RELN: variants seen among roughly 807,000 people sequenced by gnomAD.
RELN encodes the protein reelin.
Under a neutral mutation model 427.6 loss-of-function variants are expected in RELN, and 108 were observed. The observed-to-expected ratio is 0.25, with a 90% confidence interval of 0.22 to 0.30. RELN has a LOEUF of 0.30. Among genes scored for constraint, RELN ranks in the 10% least tolerant of loss-of-function variants. The pLI is 1.00. For missense variants in RELN, 3,715 were observed against 4,302.8 expected (o/e 0.86, Z 3.82); for synonymous variants, 1,524 against 1,513.4 (o/e 1.01, Z -0.16).
chr7:103,487,620 A>G (rs1828490782), intron 60 of RELN, among the ~76,000 whole-genome samples: 1 of 152,044 alleles, frequency 6.6e-6, no homozygotes, highest in South Asian at 2.1e-4. Flanking sequence ...GCCGTGTAAA[A>G]CTGTTGTTTA....
intron 1 of RELN, among the ~76,000 whole-genome samples, chr7:103,944,961 A>C (rs1371654917): frequency 6.6e-6 from 1 of 152,130 alleles, no homozygotes; most frequent in Non-Finnish European, 1.5e-5. Flanking sequence ...GAGAAGTAAA[A>C]AATCCCAGTC....
At chr7:103,920,579 G>GTTT (rs1205659662) in intron 1 of RELN, among the ~76,000 whole-genome samples, 2 of 88,858 alleles carry the variant, frequency 2.3e-5, no homozygotes, top group East Asian at 4.4e-4. Context: ...TTTTTTTTTT[G>GTTT]TTTTTTTTTT....
At chr7:103,535,294 G>A (rs1326879746) in intron 46 of RELN, 22 bp downstream of exon 46, 1 of 1,611,810 alleles carries the variant, frequency 6.2e-7, no homozygotes, top group South Asian at 1.1e-5. Context: ...AGCATGTGGT[G>A]AACATGTAGA....
At chr7:103,748,102 A>C (rs1435848927) in intron 6 of RELN, among the ~76,000 whole-genome samples, 1 of 151,752 alleles carries the variant, frequency 6.6e-6, no homozygotes, top group Non-Finnish European at 1.5e-5. Context: ...TGTCTGAAGG[A>C]AAAAACTTTT....
At chr7:103,886,418 C>T (rs3914129) in intron 2 of RELN, among the ~76,000 whole-genome samples, 40,341 of 152,056 alleles carry the variant, frequency 0.27, 5,698 homozygotes, top group East Asian at 0.4. Context: ...TATCCATATG[C>T]TAAAATCTAT....
At chr7:103,695,748 A>T (rs1158693977) in intron 10 of RELN, among the ~76,000 whole-genome samples, 1 of 152,152 alleles carries the variant, frequency 6.6e-6, no homozygotes, top group African/African-American at 2.4e-5. Context: ...TCTGCTTGCC[A>T]GTGTTGAACA....
intron 11 of RELN, 98 bp downstream of exon 11, chr7:103,682,018 A>C: frequency 8.7e-7 from 1 of 1,151,674 alleles, no homozygotes; most frequent in Non-Finnish European, 1.3e-6. Flanking sequence ...GTATTGATCT[A>C]AGTATGCTTT....
chr7:103,892,369 G>A (rs1231661859), intron 2 of RELN, among the ~76,000 whole-genome samples: 5 of 150,984 alleles, frequency 3.3e-5, no homozygotes, highest in Non-Finnish European at 5.9e-5. Context: ...ACACACACAT[G>A]TGACAGCACC....
chr7:103,709,791 T>C (rs1789748049), intron 8 of RELN, among the ~76,000 whole-genome samples: 1 of 152,234 alleles, frequency 6.6e-6, no homozygotes. Context: ...TGGCTTAAAA[T>C]ATCTACATTA....
chr7:103,843,194 C>G (rs1793595791), intron 2 of RELN, among the ~76,000 whole-genome samples: 1 of 151,956 alleles, frequency 6.6e-6, no homozygotes. Context: ...GATAAAGGAA[C>G]CAAGACTCAG....
chr7:103,497,967 G>A (rs1207918749), intron 54 of RELN, 41 bp from the exon 55 acceptor site: 1 of 1,604,246 alleles, frequency 6.2e-7, no homozygotes, highest in South Asian at 1.1e-5. Flanking sequence ...TAATTCATTA[G>A]AACAAATACT....
intron 51 of RELN, among the ~76,000 whole-genome samples, chr7:103,508,176 T>C (rs1242172974): frequency 1.3e-5 from 2 of 152,264 alleles, no homozygotes; most frequent in Non-Finnish European, 2.9e-5. Context: ...CCCCCCTAAC[T>C]CATTTTATGA....
intron 1 of RELN, among the ~76,000 whole-genome samples, chr7:103,942,606 G>A (rs557127566): frequency 6.6e-6 from 1 of 152,278 alleles, no homozygotes; most frequent in East Asian, 1.9e-4. Context: ...GAAGATGGAT[G>A]TTTAATAGGT....
intron 2 of RELN, among the ~76,000 whole-genome samples, chr7:103,904,567 G>C (rs1795154600): frequency 6.6e-6 from 1 of 152,050 alleles, no homozygotes; most frequent in Non-Finnish European, 1.5e-5. Context: ...CTGTATCTAT[G>C]ATCTGTGAAG....
chr7:103,942,036 G>A (rs995064639), intron 1 of RELN, among the ~76,000 whole-genome samples: 3 of 151,808 alleles, frequency 2.0e-5, no homozygotes, highest in African/African-American at 4.8e-5. Flanking sequence ...TTGATTTACT[G>A]TATTTTACAC....
chr7:103,521,756 A>G (rs1265231788), intron 48 of RELN, among the ~76,000 whole-genome samples: 3 of 152,236 alleles, frequency 2.0e-5, no homozygotes, highest in African/African-American at 4.8e-5. Flanking sequence ...AAATCCTGGG[A>G]ATGATTAATA....
intron 3 of RELN, among the ~76,000 whole-genome samples, chr7:103,813,569 CAT>C (rs948199520): frequency 6.6e-6 from 1 of 151,478 alleles, no homozygotes; most frequent in Admixed American, 6.6e-5. Flanking sequence ...TTTGTACATA[CAT>C]ATATATATGT....
intron 8 of RELN, among the ~76,000 whole-genome samples, chr7:103,708,874 G>A (rs376741577): frequency 6.6e-6 from 1 of 152,136 alleles, no homozygotes; most frequent in African/African-American, 2.4e-5. Flanking sequence ...CCCGTCACTC[G>A]TTGACCTCCG....
At chr7:103,647,171 C>A (rs961949190) in intron 16 of RELN, among the ~76,000 whole-genome samples, 13 of 151,996 alleles carry the variant, frequency 8.6e-5, no homozygotes, top group Non-Finnish European at 1.3e-4. Context: ...CCCACTTTCA[C>A]CACTCCTATT....
Sources: allele counts gnomAD v4.1 joint callset (sites outside exome capture counted in the v4.1 genomes callset), GRCh38; gene constraint gnomAD v4.1.1; transcripts MANE v1.5; gene names NCBI Gene and HGNC (gene_info 2026-07-23, HGNC 2026-07-21).